The following TMCO6 variants were observed in gnomAD, a reference collection of about 807,000 sequenced individuals.
TMCO6 encodes transmembrane and coiled-coil domains 6.
A neutral mutation model predicts 61.8 loss-of-function variants in TMCO6; 47 were observed. The observed-to-expected ratio is 0.76, with a 90% CI of 0.60 to 0.97. TMCO6 has a LOEUF of 0.97. TMCO6 is among the 50% of genes least tolerant of loss of function. TMCO6 has a pLI of 0.00. For missense variants in TMCO6, 557 were observed against 601.6 expected, an observed-to-expected ratio of 0.93 and a Z score of 0.78; for synonymous variants, 261 against 254.2, an observed-to-expected ratio of 1.03 and a Z score of -0.25.
the TMCO6 span, among the ~76,000 whole-genome samples, chr5:140,617,986 G>A: frequency 6.6e-6 from 1 of 152,128 alleles, no homozygotes; most frequent in Non-Finnish European, 1.5e-5. Context: ...GAAAAACAAA[G>A]TTGGAGGACT....
In TMCO6 at chr5:140,644,681, A is replaced by G. The variant is rs201763055; in HGVS notation, c.1309A>G (p.Thr437Ala). ...GCTGCACACACTAGCCTTTTCTGAC[A>G]CTGAAGTAGTAGGCCAGAGTTTGGA... ...ALLHTLAFSD[T>A]EVVGQSLELL... is the part of the protein sequence containing the mutation. The change falls in exon 11 of 12, where the codon ACT becomes GCT. Residue 437 changes from threonine to alanine, a missense_variant. Thr to Ala is a moderately conservative substitution (Grantham distance 58, BLOSUM62 0). Transcript: ENST00000394671. 2 of 1,614,226 alleles carry G rather than the reference A, an allele frequency of 1.2e-6. No individual in the cohort carries two copies. The highest frequency in any genetic ancestry group is 1.3e-5 in the African/African-American group (1 of 75,056).
chr5:140,604,668 C>T, the TMCO6 span, among the ~76,000 whole-genome samples: 1 of 151,818 alleles, frequency 6.6e-6, no homozygotes, highest in African/African-American at 2.4e-5. Context: ...GAAGATTAAT[C>T]CCTAGGTTTT....
At chr5:140,604,366 A>T in the TMCO6 span, among the ~76,000 whole-genome samples, 4 of 151,990 alleles carry the variant, frequency 2.6e-5, no homozygotes, top group Non-Finnish European at 5.9e-5. Flanking sequence ...TGCACTCCAG[A>T]CTGGGCAACA....
At chr5:140,640,654 C>A (rs899266097) in intron 2 of TMCO6, among the ~76,000 whole-genome samples, 1 of 152,198 alleles carries the variant, frequency 6.6e-6, no homozygotes, top group Non-Finnish European at 1.5e-5. Flanking sequence ...GCCTTGGCCT[C>A]CCAAAGTGCT....
chr5:140,624,803 C>T, the TMCO6 span, among the ~76,000 whole-genome samples: 1 of 151,460 alleles, frequency 6.6e-6, no homozygotes, highest in African/African-American at 2.4e-5. Flanking sequence ...GCTGGTATTA[C>T]AGGCATGAGT....
the TMCO6 span, among the ~76,000 whole-genome samples, chr5:140,607,287 T>G: frequency 1.1e-3 from 166 of 152,348 alleles, no homozygotes; most frequent in Non-Finnish European, 2.0e-3. Context: ...AGTGGAATCA[T>G]ACAATATTTG....
the TMCO6 span, chr5:140,609,415 CT>C: frequency 9.1e-6 from 2 of 219,174 alleles, no homozygotes; most frequent in Middle Eastern, 1.9e-3. Flanking sequence ...CCACCCTCCC[CT>C]GTGAGCATAA....
chr5:140,612,921 A>G, the TMCO6 span, among the ~76,000 whole-genome samples: 2 of 152,330 alleles, frequency 1.3e-5, no homozygotes, highest in South Asian at 4.1e-4. Context: ...AGATTTATGG[A>G]ACATTTGCCA....
the TMCO6 span, among the ~76,000 whole-genome samples, chr5:140,599,770 G>T: frequency 1.3e-5 from 2 of 152,078 alleles, no homozygotes; most frequent in African/African-American, 4.8e-5. Flanking sequence ...GCATGGTGGT[G>T]CACACCTGTA....
the TMCO6 span, among the ~76,000 whole-genome samples, chr5:140,604,122 T>G: frequency 1.8e-3 from 276 of 152,338 alleles, 4 homozygotes; most frequent in African/African-American, 6.5e-3. Context: ...TTCATATGCT[T>G]GTTAGCCATT....
At chr5:140,617,018 A>G in the TMCO6 span, among the ~76,000 whole-genome samples, 1 of 152,066 alleles carries the variant, frequency 6.6e-6, no homozygotes, top group Non-Finnish European at 1.5e-5. Flanking sequence ...ACTCCAGTCT[A>G]GGCTACGAAG....
upstream of TMCO6, chr5:140,639,340 GC>G (rs1443478023): frequency 3.3e-6 from 2 of 607,228 alleles, no homozygotes; most frequent in Non-Finnish European, 5.8e-6. Flanking sequence ...TCTAGCCCTC[GC>G]CCCGCCCACC....
chr5:140,618,654 C>T, the TMCO6 span, among the ~76,000 whole-genome samples: 1 of 152,056 alleles, frequency 6.6e-6, no homozygotes, highest in East Asian at 1.9e-4. Context: ...TTCCACCCTC[C>T]CCACTCAAGT....
At chr5:140,617,731 C>CAA in the TMCO6 span, among the ~76,000 whole-genome samples, 5 of 119,200 alleles carry the variant, frequency 4.2e-5, no homozygotes, top group Admixed American at 1.7e-4. Context: ...GAGTCTCTGT[C>CAA]AAAAAAAAAA....
At chr5:140,599,847 G>A in the TMCO6 span, among the ~76,000 whole-genome samples, 5 of 152,150 alleles carry the variant, frequency 3.3e-5, no homozygotes, top group Non-Finnish European at 5.9e-5. Flanking sequence ...GTTACAGTGA[G>A]CAGTGAGCCA....
chr5:140,642,630 C>T lies in TMCO6; in HGVS notation c.648C>T (p.Ser216=). The T allele has an allele frequency of 6.2e-7, 1 of 1,614,226 alleles. No homozygotes were observed. Among genetic ancestry groups the T allele is most frequent in the Non-Finnish European group, 8.5e-7 (1 of 1,180,034 alleles). The change falls in exon 6 of 12, where the codon TCC becomes TCT. Residue 216 remains serine, a synonymous_variant. Transcript: ENST00000394671. ...AVLEALGYAL[S]QLLQAEEAPE... ...TGGAAGCTCTCGGATATGCCTTGTC[C>T]CAGCTTCTACAGGCTGAGGAAGCTC...
chr5:140,639,711 C>T (rs1370040900), intron 1 of TMCO6, 28 bp from the exon 2 acceptor site: 2 of 1,566,330 alleles, frequency 1.3e-6, no homozygotes, highest in Admixed American at 1.9e-5. Flanking sequence ...TCGTCCTTCC[C>T]ACGCTCAGCC....
intron 2 of TMCO6, chr5:140,640,870 A>C (rs1442248627): frequency 6.6e-6 from 1 of 152,420 alleles, no homozygotes; most frequent in Admixed American, 6.5e-5. Flanking sequence ...GAATGAGTGA[A>C]TGAAAGGATT....
intron 10 of TMCO6, 46 bp downstream of exon 10, chr5:140,644,240 T>A (rs767975710): frequency 1.9e-6 from 3 of 1,578,828 alleles, no homozygotes; most frequent in Non-Finnish European, 2.6e-6. Flanking sequence ...AGTCGGATTG[T>A]ATGGGACAGC....
Sources: gnomAD v4.1 joint callset for allele counts (sites outside exome capture counted in the v4.1 genomes callset) on GRCh38, gnomAD v4.1.1 for gene constraint, MANE v1.5 for transcripts, NCBI Gene and HGNC (gene_info 2026-07-23, HGNC 2026-07-21) for gene names.